The following IPPK variants were observed in gnomAD, a reference collection of about 807,000 sequenced individuals.
The protein encoded by IPPK is inositol-pentakisphosphate 2-kinase, also known as IPK1 homolog.
Under a neutral mutation model 64.6 loss-of-function variants are expected in IPPK, and 22 were observed. That is an observed-to-expected ratio of 0.34 (90% CI 0.24 to 0.49). The LOEUF is 0.49. IPPK is among the 20% of genes least tolerant of loss of function. IPPK has a pLI of 0.99. For synonymous variants in IPPK, 262 were observed against 247.2 expected, an observed-to-expected ratio of 1.06 and a Z score of -0.56; for missense variants, 532 against 630.7, an observed-to-expected ratio of 0.84 and a Z score of 1.68.
Position 92,615,639 on chromosome 9 carries a change from A to C in IPPK, c.*193T>G, listed in dbSNP as rs1851406818. The C allele has an allele frequency of 1.8e-6, 1 of 569,206 alleles. No homozygotes were observed. The highest frequency in any genetic ancestry group is 3.0e-5 in the Admixed American group (1 of 32,808). The allele number at this position is 569,206 out of a possible 1,614,324, so 35.3% of individuals were successfully genotyped here. ...AGCAGCTTCCTGGGACACAGCACTCACTTCCTACATTCCTTGTCCAGGAAG... is the reference window on the plus strand; with the variant it reads ...AGCAGCTTCCTGGGACACAGCACTCCCTTCCTACATTCCTTGTCCAGGAAG... On this transcript the variant is annotated 3_prime_UTR_variant, in exon 13 of 13. Coordinates refer to ENST00000287996, the MANE Select transcript of IPPK (RefSeq NM_022755.6).
At chr9:92,618,262 G>C (rs1442429328) in intron 12 of IPPK, 1 of 456,660 alleles carries the variant, frequency 2.2e-6, no homozygotes, top group Admixed American at 2.3e-5. Flanking sequence ...CCCTAGGTCT[G>C]AGAAGCCACA....
intron 11 of IPPK, among the ~76,000 whole-genome samples, chr9:92,630,872 G>A (rs1023861096): frequency 2.1e-4 from 32 of 152,072 alleles, no homozygotes; most frequent in Admixed American, 8.5e-4. Flanking sequence ...AACACATAGA[G>A]CAAAAAATGA....
At chr9:92,658,335 G>A (rs184302186) in intron 2 of IPPK, among the ~76,000 whole-genome samples, 2 of 152,318 alleles carry the variant, frequency 1.3e-5, no homozygotes, top group East Asian at 1.9e-4. Context: ...ACTCGGCAAC[G>A]CAAAGCTTGC....
At chr9:92,659,344 A>G (rs1361732834) in intron 1 of IPPK, among the ~76,000 whole-genome samples, 4 of 152,236 alleles carry the variant, frequency 2.6e-5, no homozygotes, top group Non-Finnish European at 5.9e-5. Context: ...ACTTTTCTGC[A>G]GGTACGTTAC....
At chr9:92,643,127 C>A (rs1278298563) in intron 6 of IPPK, among the ~76,000 whole-genome samples, 2 of 152,230 alleles carry the variant, frequency 1.3e-5, no homozygotes, top group Non-Finnish European at 2.9e-5. Flanking sequence ...ATGAGAGTAA[C>A]AAACCTTCAG....
chr9:92,627,340 G>A (rs1187840906), intron 11 of IPPK, among the ~76,000 whole-genome samples: 2 of 152,044 alleles, frequency 1.3e-5, no homozygotes, highest in Non-Finnish European at 2.9e-5. Context: ...GAAGAGGCTG[G>A]AACACCAACT....
At chr9:92,649,018 G>T (rs1055185635) in intron 5 of IPPK, among the ~76,000 whole-genome samples, 58 of 152,362 alleles carry the variant, frequency 3.8e-4, no homozygotes, top group Non-Finnish European at 6.9e-4. Context: ...GCAACCTGCA[G>T]ATGGGGCTCC....
intron 1 of IPPK, among the ~76,000 whole-genome samples, chr9:92,668,262 C>G (rs180770262): frequency 7.9e-5 from 12 of 152,084 alleles, no homozygotes; most frequent in African/African-American, 2.7e-4. Flanking sequence ...AGTGAGACCC[C>G]GTTTCTAAAT....
chr9:92,662,383 C>T (rs973222765), intron 1 of IPPK, among the ~76,000 whole-genome samples: 41 of 152,044 alleles, frequency 2.7e-4, no homozygotes, highest in African/African-American at 7.5e-4. Flanking sequence ...AAAATTAGCC[C>T]GGCGTGGTGG....
chr9:92,668,261 C>G (rs1299059725), intron 1 of IPPK, among the ~76,000 whole-genome samples: 4 of 152,174 alleles, frequency 2.6e-5, no homozygotes, highest in Admixed American at 2.6e-4. Context: ...GAGTGAGACC[C>G]CGTTTCTAAA....
chr9:92,621,178 C>A (rs1851615355), intron 11 of IPPK, among the ~76,000 whole-genome samples: 1 of 148,620 alleles, frequency 6.7e-6, no homozygotes, highest in Non-Finnish European at 1.5e-5. Flanking sequence ...CCTCCTAACA[C>A]CATCACCTTG....
At chr9:92,660,859 A>G (rs779351055) in intron 1 of IPPK, among the ~76,000 whole-genome samples, 22 of 152,258 alleles carry the variant, frequency 1.4e-4, no homozygotes, top group Non-Finnish European at 3.1e-4. Flanking sequence ...AGTATAAGTT[A>G]ATTCAGAAAG....
Position 92,669,822 on chromosome 9 carries a change from C to A in IPPK, c.81+86G>T. On this transcript the variant is annotated intron_variant, in intron 1 of 12. Coordinates refer to ENST00000287996, the MANE Select transcript of IPPK (RefSeq NM_022755.6). ...GGTACTGGGGGGACGTGGAACCGAC[C>A]CTGTTGAGGAAACGGATAATGGGGG... 4.0e-6 allele frequency: 4 copies of A among 1,003,418 alleles called. No homozygotes were observed. The South Asian group carries it at 4.1e-5, about 10-fold the overall frequency. The allele number at this position is 1,003,418 out of a possible 1,614,324, so 62.2% of individuals were successfully genotyped here.
intron 8 of IPPK, 84 bp downstream of exon 8, chr9:92,640,626 C>T: frequency 1.1e-6 from 1 of 916,150 alleles, no homozygotes; most frequent in Non-Finnish European, 1.8e-6. Flanking sequence ...ACGTGCAGCC[C>T]AGCCCAACAC....
At chr9:92,640,828 A>T (rs746800014) in intron 7 of IPPK, 46 bp from the exon 8 acceptor site, 12 of 1,330,572 alleles carry the variant, frequency 9.0e-6, no homozygotes, top group Non-Finnish European at 1.2e-5. Flanking sequence ...GCTGGAACTG[A>T]CCTGTCCCTG....
chr9:92,661,845 C>T (rs1852491257), intron 1 of IPPK, among the ~76,000 whole-genome samples: 1 of 152,266 alleles, frequency 6.6e-6, no homozygotes, highest in African/African-American at 2.4e-5. Flanking sequence ...GGGACCTGAT[C>T]AGGCTGGGCT....
chr9:92,664,108 C>T (rs986788994), intron 1 of IPPK, among the ~76,000 whole-genome samples: 7 of 152,328 alleles, frequency 4.6e-5, no homozygotes, highest in Middle Eastern at 3.4e-3. Flanking sequence ...GAAGGCTGCC[C>T]GGGGTCTGTC....
intron 6 of IPPK, among the ~76,000 whole-genome samples, chr9:92,646,230 A>G (rs1852148087): frequency 1.3e-5 from 2 of 152,244 alleles, no homozygotes. Context: ...CGAGGCAGAA[A>G]GTCAACAAGA....
rs773091266 is a variant in IPPK at position 92,656,469 on chromosome 9, T to C, written c.212A>G (p.Tyr71Cys). Residue 71 changes from tyrosine (Y) to cysteine (C), a missense_variant, in exon 3 of 13, where the codon TAT becomes TGT. By Grantham distance (194) the Tyr-to-Cys change is radical. Transcript: ENST00000287996. ...NVMKEFLGEN[Y>C]VHYGEVVQLP... ...AAAAGCACTTACCCCATAATGAACATAGTTCTCCCCCAAAAACTCCTTCAT... is the reference window on the plus strand; with the variant it reads ...AAAAGCACTTACCCCATAATGAACACAGTTCTCCCCCAAAAACTCCTTCAT... 3 of 1,609,714 alleles carry C rather than the reference T, an allele frequency of 1.9e-6. No homozygotes were observed. Among genetic ancestry groups the C allele is most frequent in the Non-Finnish European group, 1.7e-6 (2 of 1,175,990 alleles).
Sources: gnomAD v4.1 joint callset for allele counts (sites outside exome capture counted in the v4.1 genomes callset) on GRCh38, gnomAD v4.1.1 for gene constraint, MANE v1.5 for transcripts, NCBI Gene and HGNC (gene_info 2026-07-23, HGNC 2026-07-21) for gene names.